Variants in PARD3B observed in about 807,000 individuals in gnomAD.
The protein encoded by PARD3B is partitioning defective 3 homolog B.
Under a neutral mutation model 130.2 loss-of-function variants are expected in PARD3B, and 103 were observed. That is an observed-to-expected ratio of 0.79 (90% confidence interval 0.67 to 0.93). The LOEUF (loss-of-function observed/expected upper bound fraction) is 0.93. PARD3B is among the 40% of genes least tolerant of loss of function. The pLI is 0.00. For synonymous variants in PARD3B, 583 were observed against 553.2 expected (o/e 1.05, Z -0.76); for missense variants, 1,609 against 1,499.2 (o/e 1.07, Z -1.21).
chr2:205,149,945 AC>A (rs2033628705), intron 10 of PARD3B, among the ~76,000 whole-genome samples: 1 of 152,156 alleles, frequency 6.6e-6, no homozygotes, highest in Non-Finnish European at 1.5e-5. Context: ...CATTGGACAG[AC>A]ACCCACAACA....
intron 15 of PARD3B, among the ~76,000 whole-genome samples, chr2:205,203,539 G>A (rs1203018582): frequency 6.6e-6 from 1 of 151,942 alleles, no homozygotes; most frequent in Non-Finnish European, 1.5e-5. Context: ...GTGCCATGGT[G>A]GTTTGCTCAC....
chr2:205,334,278 C>T (rs1377350771), intron 18 of PARD3B, among the ~76,000 whole-genome samples: 1 of 152,148 alleles, frequency 6.6e-6, no homozygotes, highest in Non-Finnish European at 1.5e-5. Context: ...ATAAATCCAG[C>T]TGCTAACTTA....
chr2:204,772,197 A>G (rs183569343), intron 2 of PARD3B, among the ~76,000 whole-genome samples: 1 of 152,180 alleles, frequency 6.6e-6, no homozygotes, highest in East Asian at 1.9e-4. Flanking sequence ...AATTTAACCA[A>G]ATGAGATGTT....
At chr2:205,376,547 G>T (rs35550118) in intron 18 of PARD3B, among the ~76,000 whole-genome samples, 9 of 152,074 alleles carry the variant, frequency 5.9e-5, no homozygotes, top group Non-Finnish European at 1.2e-4. Context: ...GCTTTAGTCT[G>T]CTGGTTTCTG....
chr2:204,589,942 G>A (rs192628141), intron 1 of PARD3B, among the ~76,000 whole-genome samples: 3 of 152,276 alleles, frequency 2.0e-5, no homozygotes, highest in Non-Finnish European at 4.4e-5. Flanking sequence ...AGAGCTTTGA[G>A]TTCTAGTCTG....
At chr2:204,939,939 T>C (rs925209206) in intron 2 of PARD3B, among the ~76,000 whole-genome samples, 3 of 152,208 alleles carry the variant, frequency 2.0e-5, no homozygotes, top group African/African-American at 7.2e-5. Flanking sequence ...TTTACTGATA[T>C]CTCCTGATAA....
chr2:205,088,376 T>C (rs1315862586), intron 4 of PARD3B, among the ~76,000 whole-genome samples: 1 of 152,146 alleles, frequency 6.6e-6, no homozygotes, highest in Non-Finnish European at 1.5e-5. Flanking sequence ...TCAATCCAAG[T>C]GGACAGAAAG....
At chr2:204,582,253 T>A (rs954842959) in intron 1 of PARD3B, among the ~76,000 whole-genome samples, 3 of 152,230 alleles carry the variant, frequency 2.0e-5, no homozygotes, top group Non-Finnish European at 4.4e-5. Flanking sequence ...TTAATTTTCA[T>A]AAATTCATGT....
rs554023537 is a variant in PARD3B, at chr2:205,146,179, A to G, written c.1435-12543A>G. Among the ~76,000 whole-genome samples, 2 of 152,308 alleles carry G rather than the reference A, an allele frequency of 1.3e-5. No individual in the cohort carries two copies. Among genetic ancestry groups the G allele is most frequent in the Admixed American group, 6.5e-5 (1 of 15,306 alleles). On this transcript the variant is annotated intron_variant, in intron 10 of 22. Transcript: ENST00000406610. The surrounding 1 kb of genome is among the most constrained non-coding windows in gnomAD (Gnocchi z 4.3). ...AATGAGATGCTCTGTACTGTCATTT[A>G]TGTTTCATTCTTGTCCTTGATGTTG...
At chr2:205,420,477 C>A (rs2046931253) in intron 19 of PARD3B, among the ~76,000 whole-genome samples, 1 of 152,148 alleles carries the variant, frequency 6.6e-6, no homozygotes, top group Non-Finnish European at 1.5e-5. Context: ...GGCTGTCTGG[C>A]TCCCTACATC....
chr2:204,966,930 A>G lies in PARD3B; in HGVS notation c.394+1607A>G, dbSNP rs116142997. On this transcript the variant is annotated intron_variant, in intron 3 of 22. Transcript: ENST00000406610. ...CGGCTTTTATTATTTTTATCGTTTA[A>G]GAGTTGAGGAATAGGTACAGAGAAG... 9.2e-3 allele frequency among the ~76,000 whole-genome samples: 1,402 copies of G among 152,282 alleles called. 31 individuals carry two copies. Among genetic ancestry groups the G allele is most frequent in the African/African-American group, 0.032 (1,331 of 41,552 alleles).
intron 1 of PARD3B, among the ~76,000 whole-genome samples, chr2:204,551,048 A>G (rs1012366850): frequency 6.6e-6 from 1 of 152,132 alleles, no homozygotes; most frequent in Non-Finnish European, 1.5e-5. Flanking sequence ...TGTGGACAGA[A>G]CTGACTCGCC....
At chr2:204,935,493 G>A (rs533904488) in intron 2 of PARD3B, among the ~76,000 whole-genome samples, 8 of 150,018 alleles carry the variant, frequency 5.3e-5, no homozygotes, top group African/African-American at 1.2e-4. Context: ...GAGCCAAGAT[G>A]GCGCCACTGT....
chr2:204,619,939 G>C (rs531417008), intron 1 of PARD3B, among the ~76,000 whole-genome samples: 2 of 152,246 alleles, frequency 1.3e-5, no homozygotes, highest in Admixed American at 6.5e-5. Flanking sequence ...GGCTGACAAA[G>C]CTCCATCTCC....
rs1212761623 is a variant in PARD3B at position 205,458,655 on chromosome 2, T to TAATAATGTCACTATCTG, written c.3044+18003_3044+18019dup. On this transcript the variant is annotated intron_variant, in intron 20 of 22. Transcript: ENST00000406610. The surrounding 1 kb of genome is among the most constrained non-coding windows in gnomAD (Gnocchi z 4.8). ...TTGCAGTTATTTTAAGAACCATGTC[T>TAATAATGTCACTATCTG]AATAATGTCACTATCTGAATAATGT... Among the ~76,000 whole-genome samples the TAATAATGTCACTATCTG allele has an allele frequency of 6.6e-6, 1 of 152,222 alleles. No homozygotes were observed. Among genetic ancestry groups the TAATAATGTCACTATCTG allele is most frequent in the Non-Finnish European group, 1.5e-5 (1 of 68,042 alleles).
At chr2:204,593,421 A>G (rs1390270524) in intron 1 of PARD3B, among the ~76,000 whole-genome samples, 1 of 152,204 alleles carries the variant, frequency 6.6e-6, no homozygotes, top group African/African-American at 2.4e-5. Context: ...CCTAGCATGC[A>G]GTTGGCATTC....
At chr2:205,333,906 G>T (rs995714077) in intron 18 of PARD3B, among the ~76,000 whole-genome samples, 11 of 152,096 alleles carry the variant, frequency 7.2e-5, no homozygotes, top group Non-Finnish European at 1.5e-5. Context: ...TTTTCTGTAG[G>T]TTGCAGAAAT....
intron 2 of PARD3B, among the ~76,000 whole-genome samples, chr2:204,806,129 A>G (rs76983985): frequency 0.084 from 12,592 of 150,208 alleles, 663 homozygotes; most frequent in African/African-American, 0.14. Flanking sequence ...AAAAATAGGG[A>G]AAAAAAAAAT....
At chr2:205,118,692 G>A (rs73057197) in intron 6 of PARD3B, among the ~76,000 whole-genome samples, 53 of 152,186 alleles carry the variant, frequency 3.5e-4, no homozygotes, top group African/African-American at 1.3e-3. Context: ...AAATGAAGTC[G>A]CAGATTGATG....
Sources: gnomAD v4.1 joint callset for allele counts (sites outside exome capture counted in the v4.1 genomes callset) on GRCh38, gnomAD v4.1.1 for gene constraint, Gnocchi (gnomAD v3.1) non-coding constraint, MANE v1.5 for transcripts, NCBI Gene and HGNC (gene_info 2026-07-23, HGNC 2026-07-21) for gene names.